Variants in DOK6 observed in about 807,000 individuals in gnomAD.
The protein encoded by DOK6 is docking protein 6, also known as downstream of tyrosine kinase 6.
Under a neutral mutation model 44.0 loss-of-function variants are expected in DOK6, and 22 were observed. The observed-to-expected ratio is 0.50, with a 90% confidence interval of 0.36 to 0.71. The LOEUF (loss-of-function observed/expected upper bound fraction) is 0.71, where lower values mean the gene tolerates loss of function less well. DOK6 is among the 30% of genes least tolerant of loss of function. DOK6 has a pLI of 0.00. For missense variants in DOK6, 340 were observed against 416.4 expected (o/e 0.82, Z 1.60); for synonymous variants, 166 against 145.5 (o/e 1.14, Z -1.01).
chr18:69,535,634 T>A (rs1982103802), intron 1 of DOK6, among the ~76,000 whole-genome samples: 1 of 147,780 alleles, frequency 6.8e-6, no homozygotes, highest in Non-Finnish European at 1.5e-5. Flanking sequence ...GACATTATCA[T>A]CATGTTTCTG....
chr18:69,757,082 T>TG (rs1384548576), intron 6 of DOK6, among the ~76,000 whole-genome samples: 2 of 152,252 alleles, frequency 1.3e-5, no homozygotes, highest in African/African-American at 4.8e-5. Flanking sequence ...CGTGATATTG[T>TG]GTGAATCTTC....
intron 3 of DOK6, among the ~76,000 whole-genome samples, chr18:69,646,495 T>C (rs542465335): frequency 6.6e-6 from 1 of 152,234 alleles, no homozygotes; most frequent in South Asian, 2.1e-4. Context: ...TTTTTATTCA[T>C]TTTTAAATAC....
At chr18:69,735,632 A>G (rs1487576011) in intron 5 of DOK6, among the ~76,000 whole-genome samples, 1 of 152,224 alleles carries the variant, frequency 6.6e-6, no homozygotes, top group Non-Finnish European at 1.5e-5. Context: ...GGGGTCAGTC[A>G]TGTAGGCATG....
intron 7 of DOK6, among the ~76,000 whole-genome samples, chr18:69,801,033 T>C (rs1375264170): frequency 1.3e-5 from 2 of 152,114 alleles, no homozygotes; most frequent in Non-Finnish European, 2.9e-5. Context: ...CCAGAGACAA[T>C]TGTATTGGTA....
At chr18:69,763,058 A>G (rs1216859897) in intron 7 of DOK6, among the ~76,000 whole-genome samples, 1 of 152,058 alleles carries the variant, frequency 6.6e-6, no homozygotes, top group African/African-American at 2.4e-5. Context: ...TCATCTTTCC[A>G]TGCTACGCCC....
intron 1 of DOK6, among the ~76,000 whole-genome samples, chr18:69,435,936 T>A (rs964587139): frequency 9.2e-5 from 14 of 152,228 alleles, no homozygotes; most frequent in African/African-American, 2.9e-4. Context: ...ATCCCTTTAT[T>A]CCCTGCTATG....
chr18:69,752,428 A>T (rs952439382), intron 6 of DOK6, among the ~76,000 whole-genome samples: 7 of 152,150 alleles, frequency 4.6e-5, no homozygotes, highest in Non-Finnish European at 8.8e-5. Flanking sequence ...TTTTCTCAAA[A>T]TTTTTTAGTT....
At chr18:69,824,624 G>A (rs1370539828) in intron 7 of DOK6, among the ~76,000 whole-genome samples, 1 of 152,212 alleles carries the variant, frequency 6.6e-6, no homozygotes, top group African/African-American at 2.4e-5. Context: ...GCCTCCCAAA[G>A]TGCTAGGATT....
chr18:69,818,219 T>G (rs1001784507), intron 7 of DOK6, among the ~76,000 whole-genome samples: 1 of 152,088 alleles, frequency 6.6e-6, no homozygotes, highest in Non-Finnish European at 1.5e-5. Context: ...AGAATCATTC[T>G]CCTTTGCACG....
chr18:69,704,345 T>C (rs947192935), intron 5 of DOK6, among the ~76,000 whole-genome samples: 4 of 152,144 alleles, frequency 2.6e-5, no homozygotes, highest in African/African-American at 9.7e-5. Flanking sequence ...TTTTCTCTCT[T>C]CTTCCTACAC....
intron 7 of DOK6, among the ~76,000 whole-genome samples, chr18:69,808,257 A>G (rs1218484203): frequency 6.6e-6 from 1 of 151,878 alleles, no homozygotes; most frequent in Non-Finnish European, 1.5e-5. Context: ...TAAGGGACAC[A>G]GCATACCAAA....
intron 2 of DOK6, among the ~76,000 whole-genome samples, chr18:69,590,390 T>C (rs967768590): frequency 2.0e-5 from 3 of 152,098 alleles, no homozygotes; most frequent in East Asian, 1.9e-4. Context: ...CCCATTGGTC[T>C]TGAAGAATGA....
rs1032482430 is a variant in DOK6 at position 69,544,066 on chromosome 18, G to A, written c.67-20421G>A. ...GAGGTCAGGAGTTTGAGACCAGCCT[G>A]GCCAACATAGTGAAACCCTGTCTCT... On this transcript the variant is annotated intron_variant, in intron 1 of 7. Coordinates refer to ENST00000382713, the MANE Select transcript of DOK6 (RefSeq NM_152721.6). Among the ~76,000 whole-genome samples the A allele has an allele frequency of 2.0e-5, 3 of 149,338 alleles. No individual in the cohort carries two copies. The South Asian group carries it at 6.5e-4, about 32-fold the overall frequency.
Position 69,837,619 on chromosome 18 carries a change from G to A in DOK6, c.857-3625G>A, listed in dbSNP as rs116352525. 6.9e-3 allele frequency among the ~76,000 whole-genome samples: 1,012 copies of A among 147,246 alleles called. 13 individuals are homozygous for A. Among genetic ancestry groups the A allele is most frequent in the African/African-American group, 0.023 (936 of 40,460 alleles). ...TATCACCCCTTTAGTGCAGAAAAAA[G>A]AAAATTAACATTTATTGCCTATCTG... On this transcript the variant is annotated intron_variant, in intron 7 of 7. Transcript: ENST00000382713.
At chr18:69,673,217 A>G (rs1187827470) in intron 3 of DOK6, among the ~76,000 whole-genome samples, 4 of 136,574 alleles carry the variant, frequency 2.9e-5, no homozygotes, top group Non-Finnish European at 6.4e-5. Context: ...GGCTGATAGC[A>G]TATTTTCTGT....
intron 3 of DOK6, among the ~76,000 whole-genome samples, chr18:69,638,091 A>C: frequency 6.6e-6 from 1 of 152,340 alleles, no homozygotes; most frequent in African/African-American, 2.4e-5. Context: ...TTAGAGCAGA[A>C]GTTGGCAAAC....
At chr18:69,465,988 T>A (rs1386390460) in intron 1 of DOK6, among the ~76,000 whole-genome samples, 1 of 152,220 alleles carries the variant, frequency 6.6e-6, no homozygotes, top group Admixed American at 6.5e-5. Flanking sequence ...AAATTAAGCT[T>A]ACTAAACTTT....
rs993735442 is a variant in DOK6, at chr18:69,547,670, G to C, written c.67-16817G>C. Among the ~76,000 whole-genome samples, 41 of 151,118 alleles carry C rather than the reference G, an allele frequency of 2.7e-4. 2 individuals are homozygous for C. The highest frequency in any genetic ancestry group is 8.9e-4 in the African/African-American group (37 of 41,344). ...ATTCCTTCTATCTAACTATATGTTT[G>C]TACTCATTACAACCAATGTCTCTTC... On this transcript the variant is annotated intron_variant, in intron 1 of 7. Coordinates refer to ENST00000382713, the MANE Select transcript of DOK6 (RefSeq NM_152721.6).
intron 3 of DOK6, among the ~76,000 whole-genome samples, chr18:69,602,115 T>C (rs1983887625): frequency 6.6e-6 from 1 of 152,108 alleles, no homozygotes; most frequent in African/African-American, 2.4e-5. Context: ...TCCCTGTGCC[T>C]TAAGTGGGGG....
Sources: gnomAD v4.1 joint callset for allele counts (sites outside exome capture counted in the v4.1 genomes callset) on GRCh38, gnomAD v4.1.1 for gene constraint, MANE v1.5 for transcripts, NCBI Gene and HGNC (gene_info 2026-07-23, HGNC 2026-07-21) for gene names.